The following VPS37A variants were observed in gnomAD, a reference collection of about 807,000 sequenced individuals.
VPS37A encodes VPS37A subunit of ESCRT-I.
Under a neutral mutation model 49.8 loss-of-function variants are expected in VPS37A, and 30 were observed. That is an observed-to-expected ratio of 0.60 (90% confidence interval 0.45 to 0.82). The LOEUF (loss-of-function observed/expected upper bound fraction) is 0.82, where lower values mean the gene tolerates loss of function less well. VPS37A is among the 40% of genes least tolerant of loss of function. VPS37A has a pLI of 0.00. For missense variants in VPS37A, 593 were observed against 464.4 expected, an observed-to-expected ratio of 1.28 and a Z score of -2.55; for synonymous variants, 195 against 160.6, an observed-to-expected ratio of 1.21 and a Z score of -1.62.
At chr8:17,250,548 G>C (rs1811880852) in intron 1 of VPS37A, among the ~76,000 whole-genome samples, 1 of 152,232 alleles carries the variant, frequency 6.6e-6, no homozygotes, top group Non-Finnish European at 1.5e-5. Flanking sequence ...AGCTCAATAG[G>C]TGAATATCTT....
intron 4 of VPS37A, among the ~76,000 whole-genome samples, chr8:17,272,822 G>A (rs766204946): frequency 2.1e-5 from 3 of 145,352 alleles, no homozygotes; most frequent in Non-Finnish European, 4.5e-5. Context: ...AATTCAAAAA[G>A]TATAAAGGAG....
chr8:17,327,074 G>T, the VPS37A span, among the ~76,000 whole-genome samples: 6 of 152,048 alleles, frequency 3.9e-5, no homozygotes. Context: ...TTTACGACCT[G>T]AATTTTTTGC....
chr8:17,263,991 C>G (rs531447406), intron 1 of VPS37A, among the ~76,000 whole-genome samples: 16 of 152,272 alleles, frequency 1.1e-4, no homozygotes, highest in African/African-American at 3.6e-4. Context: ...AGGGACCAAC[C>G]TCCATGTTCT....
chr8:17,279,266 T>A (rs1415398668), intron 6 of VPS37A, among the ~76,000 whole-genome samples: 2 of 152,064 alleles, frequency 1.3e-5, no homozygotes, highest in Admixed American at 1.3e-4. Context: ...CTGGCTACAT[T>A]TTGGCCAACA....
At chr8:17,263,248 C>A (rs1008948621) in intron 1 of VPS37A, among the ~76,000 whole-genome samples, 5 of 151,278 alleles carry the variant, frequency 3.3e-5, no homozygotes. Flanking sequence ...GGTTTTTTGG[C>A]AACTTTTTTT....
chr8:17,326,477 C>T, the VPS37A span: 1 of 152,202 alleles, frequency 6.6e-6, no homozygotes, highest in Admixed American at 6.5e-5. Flanking sequence ...AAGCTGTGAG[C>T]TTGTCTTACA....
chr8:17,331,013 A>G, the VPS37A span: 3 of 1,052,676 alleles, frequency 2.8e-6, no homozygotes, highest in Non-Finnish European at 2.7e-6. Context: ...AAGTGTTTAA[A>G]AAGCCACTGT....
the VPS37A span, among the ~76,000 whole-genome samples, chr8:17,333,156 C>T: frequency 6.6e-6 from 1 of 152,138 alleles, no homozygotes; most frequent in Admixed American, 6.6e-5. Flanking sequence ...CACATCAGCC[C>T]CTCAGGACAC....
chr8:17,317,251 G>A, the VPS37A span, among the ~76,000 whole-genome samples: 8 of 152,300 alleles, frequency 5.3e-5, no homozygotes, highest in Non-Finnish European at 8.8e-5. Flanking sequence ...TGGCAGTGCC[G>A]TGTGCCGTGT....
Position 17,274,426 on chromosome 8 carries a change from G to A in VPS37A, c.417-307G>A, listed in dbSNP as rs115192488. On this transcript the variant is annotated intron_variant, in intron 4 of 11. Coordinates refer to ENST00000324849, the MANE Select transcript of VPS37A (RefSeq NM_152415.3). ...TACTGATTGATAGCAGTGGAGTGCT[G>A]AAAACTCAAAAATGGCCTGTCTATC... Among the ~76,000 whole-genome samples the A allele has an allele frequency of 4.3e-3, 656 of 152,112 alleles. 4 individuals carry two copies. The highest frequency in any genetic ancestry group is 0.015 in the African/African-American group (625 of 41,484).
At chr8:17,331,124 A>C in the VPS37A span, 1 of 1,597,446 alleles carries the variant, frequency 6.3e-7, no homozygotes, top group South Asian at 1.1e-5. Flanking sequence ...CTGCATTTTA[A>C]TGCTGTGCAT....
At chr8:17,282,468 A>C (rs529800090) in intron 9 of VPS37A, among the ~76,000 whole-genome samples, 1 of 152,248 alleles carries the variant, frequency 6.6e-6, no homozygotes, top group African/African-American at 2.4e-5. Flanking sequence ...AGATATGAGC[A>C]TAAAGGAAAA....
rs1042863299 is a variant in VPS37A at position 17,297,908 on chromosome 8, G to A, written c.*2922G>A. On this transcript the variant is annotated 3_prime_UTR_variant, in exon 12 of 12. Coordinates refer to ENST00000324849, the MANE Select transcript of VPS37A (RefSeq NM_152415.3). ...ATGTCTGTCTTGTAAAAAAGTTGAGGGGACTAAAAGTTTATGACTCTGATA... is the reference window on the plus strand; with the variant it reads ...ATGTCTGTCTTGTAAAAAAGTTGAGAGGACTAAAAGTTTATGACTCTGATA... 3 of 151,798 alleles carry A rather than the reference G, an allele frequency of 2.0e-5. No homozygotes were observed. The highest frequency in any genetic ancestry group is 7.3e-5 in the African/African-American group (3 of 41,358). The allele number at this position is 151,798 out of a possible 1,614,324, so 9.4% of individuals were successfully genotyped here.
chr8:17,299,932 C>G (rs762414331), downstream of VPS37A: 5 of 1,614,178 alleles, frequency 3.1e-6, no homozygotes, highest in South Asian at 5.5e-5. Context: ...TGCATGCTCA[C>G]CACCACTTGG....
chr8:17,280,637 C>T (rs889380201), intron 9 of VPS37A, among the ~76,000 whole-genome samples, 194 bp downstream of exon 9: 7 of 151,836 alleles, frequency 4.6e-5, no homozygotes, highest in Non-Finnish European at 8.8e-5. Context: ...CATATAAGAG[C>T]GTATTTGTTT....
chr8:17,307,002 C>T (rs914027700), downstream of VPS37A, among the ~76,000 whole-genome samples: 12 of 152,248 alleles, frequency 7.9e-5, no homozygotes, highest in Middle Eastern at 3.4e-3. Flanking sequence ...GTCTAAAACA[C>T]CAAAAGCAAT....
At chr8:17,273,282 A>C (rs770993077) in intron 4 of VPS37A, among the ~76,000 whole-genome samples, 2 of 152,150 alleles carry the variant, frequency 1.3e-5, no homozygotes, top group African/African-American at 4.8e-5. Context: ...ATTTTACCCA[A>C]ATGTGAGCTT....
At chr8:17,273,619 G>C (rs1037436377) in intron 4 of VPS37A, among the ~76,000 whole-genome samples, 3 of 152,258 alleles carry the variant, frequency 2.0e-5, no homozygotes, top group Non-Finnish European at 4.4e-5. Flanking sequence ...ACCTGCCTCA[G>C]CCTCCCAAAG....
intron 1 of VPS37A, among the ~76,000 whole-genome samples, chr8:17,255,177 A>G (rs1812324494): frequency 6.6e-6 from 1 of 152,208 alleles, no homozygotes; most frequent in African/African-American, 2.4e-5. Context: ...ACATAAATAC[A>G]AAATATAAAC....
Sources: gnomAD v4.1 joint callset for allele counts (sites outside exome capture counted in the v4.1 genomes callset) on GRCh38, gnomAD v4.1.1 for gene constraint, MANE v1.5 for transcripts, NCBI Gene and HGNC (gene_info 2026-07-23, HGNC 2026-07-21) for gene names.